The following WDR27 variants were observed in gnomAD, a reference collection of about 807,000 sequenced individuals.
WDR27 encodes the protein WD repeat-containing protein 27.
In WDR27, 100 loss-of-function variants were observed where a neutral mutation model predicts 114.4. That is an observed-to-expected ratio of 0.87 (90% confidence interval 0.74 to 1.03). The LOEUF is 1.03. WDR27 is among the 50% of genes least tolerant of loss of function. WDR27 has a pLI of 0.00. For missense variants in WDR27, 1,129 were observed against 1,092.9 expected, an observed-to-expected ratio of 1.03 and a Z score of -0.47; for synonymous variants, 449 against 423.1, an observed-to-expected ratio of 1.06 and a Z score of -0.75.
rs2128228870 is a variant in WDR27 at position 169,642,298 on chromosome 6, C to CCGT, written c.1747+1398_1747+1399insACG. On this transcript the variant is annotated intron_variant, in intron 17 of 25. Transcript: ENST00000448612. ...GTGCAGTTGAGATGGTTAAATGTGG[C>CCGT]CCTTCCCCCCCGCCCACAGAAACAG... Among the ~76,000 whole-genome samples, 4 of 147,712 alleles carry CCGT rather than the reference C, an allele frequency of 2.7e-5. No individual in the cohort carries two copies. The South Asian group carries it at 8.7e-4, about 32-fold the overall frequency.
At chr6:169,544,426 C>CTTTTTTTTTTTT (rs201281369) in intron 25 of WDR27, among the ~76,000 whole-genome samples, 5 of 140,870 alleles carry the variant, frequency 3.5e-5, no homozygotes, top group East Asian at 2.1e-4. Context: ...ATTTCTTTTC[C>CTTTTTTTTTTTT]TTTTTTTTTT....
intron 8 of WDR27, 28 bp downstream of exon 8, chr6:169,664,138 G>C: frequency 1.3e-6 from 2 of 1,544,554 alleles, no homozygotes; most frequent in Non-Finnish European, 1.7e-6. Flanking sequence ...CCAAGTGGGA[G>C]GCCTGAGGGA....
At chr6:169,475,978 T>A (rs1015505948) in intron 25 of WDR27, among the ~76,000 whole-genome samples, 3 of 152,192 alleles carry the variant, frequency 2.0e-5, no homozygotes, top group African/African-American at 7.2e-5. Flanking sequence ...GAATTGACAT[T>A]TTTATAACAT....
At chr6:169,451,248 A>G in the WDR27 span, among the ~76,000 whole-genome samples, 1 of 152,170 alleles carries the variant, frequency 6.6e-6, no homozygotes, top group African/African-American at 2.4e-5. Flanking sequence ...GAATGCAGCC[A>G]TTTGTCTCTT....
chr6:169,585,815 G>A (rs1804435378), intron 23 of WDR27, among the ~76,000 whole-genome samples: 1 of 152,162 alleles, frequency 6.6e-6, no homozygotes, highest in Admixed American at 6.6e-5. Flanking sequence ...GGTGGCCGAG[G>A]CAGAAGAGGT....
chr6:169,687,087 A>T (rs1783181313), intron 2 of WDR27, among the ~76,000 whole-genome samples: 1 of 152,172 alleles, frequency 6.6e-6, no homozygotes, highest in Non-Finnish European at 1.5e-5. Flanking sequence ...TAGGAAAATT[A>T]CAGTTAATAA....
chr6:169,457,043 A>G (rs1359714505), downstream of WDR27, among the ~76,000 whole-genome samples: 1 of 149,028 alleles, frequency 6.7e-6, no homozygotes, highest in Non-Finnish European at 1.5e-5. Context: ...CAGAGGCCAC[A>G]CTAACCATGC....
At chr6:169,656,390 T>C (rs1009797881) in intron 13 of WDR27, among the ~76,000 whole-genome samples, 9 of 151,976 alleles carry the variant, frequency 5.9e-5, no homozygotes, top group South Asian at 4.2e-4. Flanking sequence ...GGTTTGGAGG[T>C]TGGGTTTCCC....
intron 25 of WDR27, among the ~76,000 whole-genome samples, chr6:169,496,875 C>G (rs1790474184): frequency 6.6e-6 from 1 of 152,020 alleles, no homozygotes; most frequent in African/African-American, 2.4e-5. Context: ...CCAAAGTGCT[C>G]TACAGATGCA....
intron 25 of WDR27, among the ~76,000 whole-genome samples, chr6:169,571,068 A>C (rs1423198299): frequency 6.6e-6 from 1 of 152,192 alleles, no homozygotes; most frequent in East Asian, 1.9e-4. Context: ...TGAATTTATA[A>C]ATTAGCGGAT....
At chr6:169,516,532 G>A (rs1352007621) in intron 25 of WDR27, among the ~76,000 whole-genome samples, 1 of 152,134 alleles carries the variant, frequency 6.6e-6, no homozygotes, top group Non-Finnish European at 1.5e-5. Context: ...AACATTTACA[G>A]ATGAATGTTT....
chr6:169,499,418 C>G (rs537714744), intron 25 of WDR27, among the ~76,000 whole-genome samples: 2 of 152,338 alleles, frequency 1.3e-5, no homozygotes, highest in Admixed American at 1.3e-4. Flanking sequence ...CAGCCTCACA[C>G]AGTTCCAGGT....
chr6:169,472,590 A>AT (rs1296700491), intron 25 of WDR27, among the ~76,000 whole-genome samples: 3 of 152,348 alleles, frequency 2.0e-5, no homozygotes, highest in Non-Finnish European at 4.4e-5. Flanking sequence ...CACAGAAAGC[A>AT]TTACATAAAT....
chr6:169,525,479 T>A (rs759763000), intron 25 of WDR27, among the ~76,000 whole-genome samples: 1 of 142,814 alleles, frequency 7.0e-6, no homozygotes, highest in South Asian at 2.2e-4. Flanking sequence ...GAGCTTGCAG[T>A]GAGCCGAGCT....
chr6:169,521,420 T>TA (rs1225293000), intron 25 of WDR27, among the ~76,000 whole-genome samples: 4 of 151,692 alleles, frequency 2.6e-5, no homozygotes, highest in Non-Finnish European at 5.9e-5. Context: ...AAGAAAAAAA[T>TA]AAAAAACACT....
chr6:169,669,717 T>G (rs1379957141), intron 4 of WDR27: 1 of 152,056 alleles, frequency 6.6e-6, no homozygotes, highest in Non-Finnish European at 1.5e-5. Context: ...TTTACCTAAC[T>G]CCTAGATACT....
chr6:169,521,444 G>T (rs1036356547), intron 25 of WDR27, among the ~76,000 whole-genome samples: 11 of 151,966 alleles, frequency 7.2e-5, no homozygotes, highest in African/African-American at 2.4e-4. Flanking sequence ...CATGCAAGAA[G>T]AAAGCATTTC....
chr6:169,495,063 T>C (rs1790224949), intron 25 of WDR27, among the ~76,000 whole-genome samples: 1 of 152,034 alleles, frequency 6.6e-6, no homozygotes, highest in African/African-American at 2.4e-5. Flanking sequence ...TATAAGTTCA[T>C]GAAAACATTA....
Position 169,689,542 on chromosome 6 carries a change from T to C in WDR27, c.-7-530A>G, listed in dbSNP as rs138960072. Among the ~76,000 whole-genome samples the C allele has an allele frequency of 1.7e-3, 256 of 152,362 alleles. 2 individuals carry two copies. Among genetic ancestry groups the C allele is most frequent in the African/African-American group, 5.4e-3 (224 of 41,578 alleles). On this transcript the variant is annotated intron_variant, in intron 1 of 25. Transcript: ENST00000448612. Reference sequence around the variant, plus strand: ...ACAATTTCACAACACTGTATGTAATTACAGTTAAGCTACCACAGGTTCTAT... The same window carrying C: ...ACAATTTCACAACACTGTATGTAATCACAGTTAAGCTACCACAGGTTCTAT...
Sources: gnomAD v4.1 joint callset for allele counts (sites outside exome capture counted in the v4.1 genomes callset) on GRCh38, gnomAD v4.1.1 for gene constraint, MANE v1.5 for transcripts, NCBI Gene and HGNC (gene_info 2026-07-23, HGNC 2026-07-21) for gene names.